SAMTOR: variants seen among roughly 807,000 people sequenced by gnomAD.
SAMTOR encodes the protein S-adenosylmethionine sensor upstream of mTORC1, also known as UPF0532 protein C7orf60.
At chr7:112,821,809 C>G in the SAMTOR span, 1 of 1,613,430 alleles carries the variant, frequency 6.2e-7, no homozygotes, top group Non-Finnish European at 8.5e-7. Flanking sequence ...TGACTTTCTC[C>G]AGAATCTGAG....
At chr7:112,877,751 A>G in the SAMTOR span, among the ~76,000 whole-genome samples, 5 of 152,124 alleles carry the variant, frequency 3.3e-5, no homozygotes, top group Admixed American at 1.3e-4. Context: ...AATTAATGCT[A>G]TCACTGCAAC....
the SAMTOR span, among the ~76,000 whole-genome samples, chr7:112,880,606 T>C: frequency 1.3e-5 from 2 of 151,914 alleles, no homozygotes; most frequent in African/African-American, 4.8e-5. Flanking sequence ...TTATGCATTT[T>C]TTACAGAGGA....
At chr7:112,906,218 T>G in the SAMTOR span, among the ~76,000 whole-genome samples, 1 of 152,210 alleles carries the variant, frequency 6.6e-6, no homozygotes, top group African/African-American at 2.4e-5. Flanking sequence ...CTACTACACA[T>G]CTACAGCATG....
the SAMTOR span, among the ~76,000 whole-genome samples, chr7:112,829,749 C>T: frequency 5.0e-4 from 76 of 152,268 alleles, 3 homozygotes; most frequent in East Asian, 0.011. Flanking sequence ...AGTATTTAGT[C>T]TAAGGCAAAT....
the SAMTOR span, among the ~76,000 whole-genome samples, chr7:112,908,105 T>C: frequency 6.6e-6 from 1 of 152,226 alleles, no homozygotes; most frequent in East Asian, 1.9e-4. Flanking sequence ...TATATCTGTA[T>C]ACCTGTGATG....
chr7:112,861,981 C>T, the SAMTOR span, among the ~76,000 whole-genome samples: 1 of 152,192 alleles, frequency 6.6e-6, no homozygotes, highest in African/African-American at 2.4e-5. Flanking sequence ...AGGCCAGGTA[C>T]AGCGGCTCAG....
the SAMTOR span, among the ~76,000 whole-genome samples, chr7:112,915,802 G>C: frequency 6.6e-6 from 1 of 152,072 alleles, no homozygotes; most frequent in South Asian, 2.1e-4. Flanking sequence ...AAGACATGCT[G>C]GTAAGAAACA....
chr7:112,899,474 C>T, the SAMTOR span, among the ~76,000 whole-genome samples: 3 of 151,966 alleles, frequency 2.0e-5, no homozygotes, highest in Admixed American at 6.6e-5. Flanking sequence ...GAGTTATTGG[C>T]CTTAAAGAGG....
the SAMTOR span, among the ~76,000 whole-genome samples, chr7:112,891,873 G>A: frequency 6.6e-6 from 1 of 152,212 alleles, no homozygotes; most frequent in African/African-American, 2.4e-5. Flanking sequence ...TAGCATGATG[G>A]TTGCTGAAAG....
At chr7:112,863,800 C>A in the SAMTOR span, among the ~76,000 whole-genome samples, 1 of 152,282 alleles carries the variant, frequency 6.6e-6, no homozygotes, top group African/African-American at 2.4e-5. Context: ...GGAATGCTTA[C>A]ACACTCCTGG....
the SAMTOR span, among the ~76,000 whole-genome samples, chr7:112,836,621 C>A: frequency 6.6e-6 from 1 of 152,014 alleles, no homozygotes; most frequent in African/African-American, 2.4e-5. Context: ...GTCTTTTTAA[C>A]TGATCTTGAG....
At chr7:112,851,221 A>G in the SAMTOR span, among the ~76,000 whole-genome samples, 1,228 of 152,294 alleles carry the variant, frequency 8.1e-3, 10 homozygotes, top group Middle Eastern at 0.017. Flanking sequence ...ATGGAACCCA[A>G]AAGGAGCTCA....
chr7:112,904,279 T>C, the SAMTOR span, among the ~76,000 whole-genome samples: 5 of 151,332 alleles, frequency 3.3e-5, no homozygotes, highest in African/African-American at 1.2e-4. Context: ...AAAATTACCA[T>C]ATATGTGTAT....
the SAMTOR span, among the ~76,000 whole-genome samples, chr7:112,874,969 C>G: frequency 6.6e-6 from 1 of 152,114 alleles, no homozygotes; most frequent in African/African-American, 2.4e-5. Context: ...CATGCAATCA[C>G]AGGGGGAATC....
the SAMTOR span, among the ~76,000 whole-genome samples, chr7:112,846,003 A>T: frequency 6.6e-6 from 1 of 152,096 alleles, no homozygotes; most frequent in Non-Finnish European, 1.5e-5. Context: ...CTTATAAGTG[A>T]TGAGAACACA....
At chr7:112,895,631 C>T in the SAMTOR span, 5 of 1,591,948 alleles carry the variant, frequency 3.1e-6, no homozygotes, top group African/African-American at 5.4e-5. Context: ...GTTGAGAAGA[C>T]TCATGCATAT....
At chr7:112,847,988 A>G in the SAMTOR span, among the ~76,000 whole-genome samples, 1 of 151,854 alleles carries the variant, frequency 6.6e-6, no homozygotes, top group African/African-American at 2.4e-5. Flanking sequence ...AAAATTTAAA[A>G]AATTAAAAAA....
chr7:112,916,373 T>C, the SAMTOR span, among the ~76,000 whole-genome samples: 3 of 152,170 alleles, frequency 2.0e-5, no homozygotes, highest in Admixed American at 1.3e-4. Context: ...TCCTTGGACA[T>C]AGGAGTTAGG....
chr7:112,892,236 C>G, the SAMTOR span, among the ~76,000 whole-genome samples: 4 of 151,892 alleles, frequency 2.6e-5, no homozygotes, highest in African/African-American at 9.7e-5. Flanking sequence ...CATCTTCAGG[C>G]TCCACTTCTA....
Sources: allele counts gnomAD v4.1 joint callset (sites outside exome capture counted in the v4.1 genomes callset), GRCh38; gene constraint gnomAD v4.1.1; transcripts MANE v1.5; gene names NCBI Gene and HGNC (gene_info 2026-07-23, HGNC 2026-07-21).